The following RIMS1 variants were observed in gnomAD, a reference collection of about 807,000 sequenced individuals.
RIMS1 encodes regulating synaptic membrane exocytosis protein 1.
A neutral mutation model predicts 214.1 loss-of-function variants in RIMS1; 83 were observed. The observed-to-expected ratio is 0.39, with a 90% CI of 0.32 to 0.47. The LOEUF is 0.47. Among genes scored for constraint, RIMS1 ranks in the 20% least tolerant of loss-of-function variants. RIMS1 has a pLI of 0.99. For synonymous variants in RIMS1, 793 were observed against 786.8 expected, an observed-to-expected ratio of 1.01 and a Z score of -0.13; for missense variants, 2,050 against 2,161.8, an observed-to-expected ratio of 0.95 and a Z score of 1.03.
rs752121458 is a variant in RIMS1 at position 71,887,175 on chromosome 6, A to C, written c.152A>C (p.Glu51Ala). 7 of 1,608,504 alleles carry C rather than the reference A, an allele frequency of 4.4e-6. No homozygotes were observed. The highest frequency in any genetic ancestry group is 5.9e-6 in the Non-Finnish European group (7 of 1,177,652). The change falls in exon 1 of 34, where the codon GAA (glutamate) becomes GCA (alanine). Residue 51 changes from glutamate (E) to alanine (A), a missense_variant. Glu to Ala is a moderately radical substitution (Grantham distance 107). Coordinates refer to ENST00000521978, the MANE Select transcript of RIMS1 (RefSeq NM_014989.7). ...DRQKEEEEKEEAMLKCVVRDM... is the reference protein window; with the variant it reads ...DRQKEEEEKEAAMLKCVVRDM... ...CAGAAGGAAGAGGAGGAAAAAGAAGAAGCCATGCTCAAGTAAGCCAGCCCC... is the reference window on the plus strand; with the variant it reads ...CAGAAGGAAGAGGAGGAAAAAGAAGCAGCCATGCTCAAGTAAGCCAGCCCC...
chr6:71,932,270 A>G (rs1783281921), intron 1 of RIMS1, among the ~76,000 whole-genome samples: 2 of 152,174 alleles, frequency 1.3e-5, no homozygotes, highest in South Asian at 2.1e-4. Flanking sequence ...TGTGATGCAT[A>G]TAACCACGGA....
rs569089991 is a variant in RIMS1 at position 72,116,223 on chromosome 6, C to A, written c.471+16237C>A. On this transcript the variant is annotated intron_variant, in intron 4 of 33. Coordinates refer to ENST00000521978, the MANE Select transcript of RIMS1 (RefSeq NM_014989.7). ...TTTTATACAGAAAAATAGGCAGTAC[C>A]CAACACCAGTTCTCTTACTGTTTGG... Among the ~76,000 whole-genome samples the A allele has an allele frequency of 7.9e-5, 12 of 151,982 alleles. No homozygotes were observed. The East Asian group carries it at 2.3e-3, about 29-fold the overall frequency.
intron 1 of RIMS1, among the ~76,000 whole-genome samples, chr6:71,906,868 A>G (rs926208876): frequency 1.3e-5 from 2 of 152,196 alleles, no homozygotes; most frequent in African/African-American, 4.8e-5. Flanking sequence ...ACTTTTGGCT[A>G]TAATAATGAT....
At chr6:71,994,466 A>G (rs1180757888) in intron 2 of RIMS1, among the ~76,000 whole-genome samples, 1 of 152,200 alleles carries the variant, frequency 6.6e-6, no homozygotes, top group Non-Finnish European at 1.5e-5. Flanking sequence ...CATAAGACAC[A>G]GCATGGTATT....
At chr6:72,211,843 T>A (rs189118874) in intron 6 of RIMS1, among the ~76,000 whole-genome samples, 270 of 148,564 alleles carry the variant, frequency 1.8e-3, no homozygotes, top group Middle Eastern at 7.0e-3. Flanking sequence ...AAAGTTTAAT[T>A]TGAAAATGAA....
intron 4 of RIMS1, among the ~76,000 whole-genome samples, chr6:72,162,768 G>A (rs2153936610): frequency 7.1e-6 from 1 of 140,724 alleles, no homozygotes; most frequent in African/African-American, 2.5e-5. Context: ...CTGTTAGTCT[G>A]ATGGGCTTCC....
At chr6:71,958,432 G>T (rs975887520) in intron 1 of RIMS1, among the ~76,000 whole-genome samples, 1 of 152,096 alleles carries the variant, frequency 6.6e-6, no homozygotes, top group Non-Finnish European at 1.5e-5. Context: ...GAAGAAGTTG[G>T]TGGTGGATAA....
chr6:72,293,519 G>C (rs939010902), intron 26 of RIMS1, among the ~76,000 whole-genome samples: 10 of 151,746 alleles, frequency 6.6e-5, no homozygotes, highest in Non-Finnish European at 3.0e-5. Flanking sequence ...TACAAATGTG[G>C]GTGTTTAGTT....
At chr6:72,310,863 A>C (rs571946223) in intron 27 of RIMS1, among the ~76,000 whole-genome samples, 1 of 152,252 alleles carries the variant, frequency 6.6e-6, no homozygotes, top group South Asian at 2.1e-4. Context: ...CTGTGATATC[A>C]TATCAGAATG....
chr6:71,896,465 A>C (rs1277935811), intron 1 of RIMS1, among the ~76,000 whole-genome samples: 1 of 152,194 alleles, frequency 6.6e-6, no homozygotes, highest in Non-Finnish European at 1.5e-5. Flanking sequence ...GGGTACAACT[A>C]TGATGGATAA....
At chr6:72,112,707 C>T (rs1311524669) in intron 4 of RIMS1, among the ~76,000 whole-genome samples, 1 of 152,162 alleles carries the variant, frequency 6.6e-6, no homozygotes, top group East Asian at 1.9e-4. Context: ...ACTGTAATTA[C>T]TCCATGTAAA....
At chr6:72,261,906 A>T in intron 19 of RIMS1, 1 of 985,166 alleles carries the variant, frequency 1.0e-6, no homozygotes, top group African/African-American at 1.7e-5. Flanking sequence ...TATTGTAAAA[A>T]CCTACTGAAG....
In RIMS1 at chr6:72,237,790, G is replaced by A. The variant is rs371178873; in HGVS notation, c.1858-33G>A. The stretch of plus-strand genomic sequence containing the variant: ...CTAATAAGCTTATGTTTTAGTATGA[G>A]TCTTGGAAACTTATAAATTTGTAAT... On this transcript the variant is annotated intron_variant, in intron 8 of 33. Transcript: ENST00000521978. 514 of 1,464,492 alleles carry A rather than the reference G, an allele frequency of 3.5e-4. 2 individuals are homozygous for A. The African/African-American group carries it at 6.6e-3, about 19-fold the overall frequency. The allele number at this position is 1,464,492 out of a possible 1,614,324, so 90.7% of individuals were successfully genotyped here.
Position 72,210,767 on chromosome 6 carries a change from A to G in RIMS1, c.1679-23006A>G, listed in dbSNP as rs1353951234. ...ATCATACCTAAGCCTCGGTTTCCTC[A>G]TCTGTAACATGGGAATAATAATAGC... On this transcript the variant is annotated intron_variant, in intron 6 of 33. Transcript: ENST00000521978. Among the ~76,000 whole-genome samples the G allele has an allele frequency of 3.9e-5, 6 of 152,270 alleles. No individual in the cohort carries two copies. The South Asian group carries it at 1.0e-3, about 26-fold the overall frequency.
chr6:72,100,127 G>A, intron 4 of RIMS1, 141 bp downstream of exon 4: 1 of 686,164 alleles, frequency 1.5e-6, no homozygotes, highest in Non-Finnish European at 2.5e-6. Flanking sequence ...CAGCTCTCAT[G>A]AAAAAAATAA....
chr6:72,253,943 G>T (rs1397923239), intron 16 of RIMS1, among the ~76,000 whole-genome samples: 2 of 152,084 alleles, frequency 1.3e-5, no homozygotes, highest in African/African-American at 4.8e-5. Flanking sequence ...TCAGCTCACT[G>T]CACCCTCCAC....
intron 27 of RIMS1, among the ~76,000 whole-genome samples, chr6:72,312,474 A>G (rs1011287665): frequency 1.3e-5 from 2 of 152,046 alleles, no homozygotes; most frequent in African/African-American, 4.8e-5. Flanking sequence ...GTTCATCACA[A>G]TAAGACAGTG....
intron 2 of RIMS1, among the ~76,000 whole-genome samples, chr6:72,036,174 G>C (rs2152047033): frequency 6.6e-6 from 1 of 152,206 alleles, no homozygotes. Context: ...ATCATTGTGT[G>C]TTCCTAGTCC....
chr6:72,275,120 GTATATATA>G (rs10526446), intron 23 of RIMS1, among the ~76,000 whole-genome samples: 17 of 81,502 alleles, frequency 2.1e-4, no homozygotes, highest in South Asian at 5.9e-4. Flanking sequence ...CTATTTTATG[GTATATATA>G]TATATATATA....
Sources: gnomAD v4.1 joint callset for allele counts (sites outside exome capture counted in the v4.1 genomes callset) on GRCh38, gnomAD v4.1.1 for gene constraint, MANE v1.5 for transcripts, NCBI Gene and HGNC (gene_info 2026-07-23, HGNC 2026-07-21) for gene names.